Variants in SNX7 observed in about 807,000 individuals in gnomAD.
SNX7 encodes sorting nexin-7.
A neutral mutation model predicts 48.4 loss-of-function variants in SNX7; 35 were observed. The observed-to-expected ratio is 0.72, with a 90% confidence interval of 0.55 to 0.96. The LOEUF (loss-of-function observed/expected upper bound fraction) is 0.96. SNX7 is among the 40% of genes least tolerant of loss of function. The pLI, the probability that SNX7 is intolerant of heterozygous loss-of-function variation, is 0.00. For missense variants in SNX7, 553 were observed against 548.9 expected, an observed-to-expected ratio of 1.01 and a Z score of -0.07; for synonymous variants, 190 against 190.2, an observed-to-expected ratio of 1.00 and a Z score of 0.01.
chr1:98,681,450 A>C (rs1650485868), intron 1 of SNX7, among the ~76,000 whole-genome samples: 1 of 152,348 alleles, frequency 6.6e-6, no homozygotes, highest in South Asian at 2.1e-4. Context: ...TTAAAGCAGT[A>C]GAAGAATGAA....
chr1:98,720,185 T>C (rs988148124), intron 7 of SNX7, among the ~76,000 whole-genome samples: 2 of 151,916 alleles, frequency 1.3e-5, no homozygotes, highest in Non-Finnish European at 2.9e-5. Flanking sequence ...TCTTTGTTCC[T>C]CTTGCTTGTC....
intron 7 of SNX7, among the ~76,000 whole-genome samples, chr1:98,723,090 A>G (rs148831288): frequency 6.6e-6 from 1 of 152,170 alleles, no homozygotes; most frequent in African/African-American, 2.4e-5. Context: ...AGTACAAGAC[A>G]AATAAATAAA....
At chr1:98,681,490 G>A (rs1226831698) in intron 1 of SNX7, among the ~76,000 whole-genome samples, 1 of 152,172 alleles carries the variant, frequency 6.6e-6, no homozygotes, top group Non-Finnish European at 1.5e-5. Context: ...ATATGGCTTG[G>A]CTGTGAATAA....
intron 7 of SNX7, among the ~76,000 whole-genome samples, chr1:98,725,474 A>G (rs1449997251): frequency 6.6e-6 from 1 of 152,192 alleles, no homozygotes; most frequent in East Asian, 1.9e-4. Flanking sequence ...TGTGCCTGGT[A>G]TGGTACTTGG....
intron 8 of SNX7, among the ~76,000 whole-genome samples, chr1:98,756,425 T>TTTG (rs947005506): frequency 1.4e-4 from 19 of 140,704 alleles, no homozygotes; most frequent in African/African-American, 4.8e-4. Context: ...CAGATGAGTT[T>TTTG]TTTTTTTTTT....
chr1:98,709,925 A>G (rs1312220450), intron 7 of SNX7, among the ~76,000 whole-genome samples: 1 of 152,162 alleles, frequency 6.6e-6, no homozygotes. Context: ...GCTCTCTTAT[A>G]TGGAATATGG....
At chr1:98,692,205 A>C (rs1261456947) in intron 4 of SNX7, among the ~76,000 whole-genome samples, 1 of 152,138 alleles carries the variant, frequency 6.6e-6, no homozygotes, top group African/African-American at 2.4e-5. Flanking sequence ...ACACATATGT[A>C]TACCTTTTGT....
intron 2 of SNX7, among the ~76,000 whole-genome samples, chr1:98,685,703 G>A (rs955423181): frequency 3.1e-4 from 47 of 152,092 alleles, no homozygotes; most frequent in African/African-American, 1.0e-3. Flanking sequence ...TGTTTATGAA[G>A]CGTCACCCTA....
intron 7 of SNX7, among the ~76,000 whole-genome samples, chr1:98,706,987 C>G (rs1323656429): frequency 6.6e-6 from 1 of 152,098 alleles, no homozygotes; most frequent in Non-Finnish European, 1.5e-5. Flanking sequence ...TGTAAAAATT[C>G]ATAGGTTCAG....
intron 5 of SNX7, among the ~76,000 whole-genome samples, chr1:98,696,415 G>A (rs35245428): frequency 0.26 from 39,124 of 151,746 alleles, 5,430 homozygotes; most frequent in South Asian, 0.31. Flanking sequence ...TGCCAGTCAG[G>A]ATAAGCTGGG....
intron 8 of SNX7, among the ~76,000 whole-genome samples, chr1:98,739,639 A>T (rs1653972781): frequency 2.0e-5 from 3 of 152,184 alleles, no homozygotes; most frequent in South Asian, 2.1e-4. Context: ...TCTAGAAAAA[A>T]TAAGGATATG....
intron 1 of SNX7, among the ~76,000 whole-genome samples, chr1:98,683,943 T>C (rs923483962): frequency 2.0e-5 from 3 of 152,068 alleles, no homozygotes; most frequent in African/African-American, 7.2e-5. Context: ...TCTACCAAAT[T>C]GGGGTGGGAA....
intron 7 of SNX7, among the ~76,000 whole-genome samples, chr1:98,733,166 C>G (rs1388812053): frequency 6.6e-6 from 1 of 152,108 alleles, no homozygotes; most frequent in Non-Finnish European, 1.5e-5. Context: ...CTTTGCGATA[C>G]TATTTGGCAC....
At chr1:98,691,357 C>A (rs1379349634) in intron 3 of SNX7, among the ~76,000 whole-genome samples, 172 bp downstream of exon 3, 2 of 151,076 alleles carry the variant, frequency 1.3e-5, no homozygotes, top group African/African-American at 2.4e-5. Flanking sequence ...TTAAAAAAAA[C>A]TCTTCATAAT....
intron 7 of SNX7, among the ~76,000 whole-genome samples, chr1:98,703,843 G>A (rs1158314959): frequency 2.0e-5 from 3 of 151,864 alleles, no homozygotes; most frequent in African/African-American, 7.2e-5. Flanking sequence ...TAAGGATATC[G>A]AAGTTAGTGG....
rs1553197439 is a variant in SNX7 at position 98,677,990 on chromosome 1, C to CATGTGT, written c.181-6895_181-6894insATGTGT. Among the ~76,000 whole-genome samples the CATGTGT allele has an allele frequency of 6.1e-3, 865 of 141,868 alleles. 23 individuals carry two copies. Among genetic ancestry groups the CATGTGT allele is most frequent in the Admixed American group, 0.038 (535 of 14,236 alleles). 93.1% of individuals were successfully genotyped at this position (141,868 alleles called of 152,430 possible). ...AGCTGTATGAGTCTGTGTGTGTGTG[C>CATGTGT]GTGTGTGTGTGTGTGTGTGTGTGTG... On this transcript the variant is annotated intron_variant, in intron 1 of 8. Transcript: ENST00000306121.
rs1557780935 is a variant in SNX7, at chr1:98,663,252, GGT to G, written c.180+1342_180+1343del. On this transcript the variant is annotated intron_variant, in intron 1 of 8. Transcript: ENST00000306121. ...ATCAGAATCATCAGGGTTTCTTTCT[GGT>G]TTTTTTTTTTTTTTTTTTTTTTTTT... Among the ~76,000 whole-genome samples the G allele has an allele frequency of 8.2e-4, 68 of 83,150 alleles. 19 individuals are homozygous for G. The highest frequency in any genetic ancestry group is 2.8e-3 in the East Asian group (7 of 2,476). The allele number at this position is 83,150 out of a possible 152,430, so 54.5% of individuals were successfully genotyped here.
chr1:98,715,354 T>C (rs4545357), intron 7 of SNX7, among the ~76,000 whole-genome samples: 84,217 of 151,926 alleles, frequency 0.55, 24,344 homozygotes, highest in Non-Finnish European at 0.64. Flanking sequence ...TCATTGATTC[T>C]TTTTAGGTAG....
intron 7 of SNX7, among the ~76,000 whole-genome samples, chr1:98,718,377 A>G (rs185271673): frequency 2.6e-4 from 40 of 152,248 alleles, no homozygotes; most frequent in Admixed American, 2.2e-3. Context: ...ACATCAGGAA[A>G]AAGGAACTCA....
Sources: allele counts gnomAD v4.1 joint callset (sites outside exome capture counted in the v4.1 genomes callset), GRCh38; gene constraint gnomAD v4.1.1; transcripts MANE v1.5; gene names NCBI Gene and HGNC (gene_info 2026-07-23, HGNC 2026-07-21).